Variants in PTPRJ observed in about 807,000 individuals in gnomAD.
PTPRJ encodes receptor-type tyrosine-protein phosphatase eta.
PTPRJ carries 129 observed loss-of-function variants against 141.3 expected under a neutral mutation model. The ratio of observed to expected loss-of-function variants is 0.91; its 90% confidence interval spans 0.79 to 1.06. The LOEUF is 1.06. PTPRJ is among the 50% of genes least tolerant of loss of function. PTPRJ has a pLI of 0.00. For missense variants in PTPRJ, 1,601 were observed against 1,679.7 expected, an observed-to-expected ratio of 0.95 and a Z score of 0.82; for synonymous variants, 610 against 640.5, an observed-to-expected ratio of 0.95 and a Z score of 0.72.
chr11:48,059,282 C>T (rs897804015), intron 1 of PTPRJ, among the ~76,000 whole-genome samples: 5 of 151,972 alleles, frequency 3.3e-5, no homozygotes, highest in Non-Finnish European at 5.9e-5. Context: ...CCACCACATC[C>T]GGCTAATTTT....
chr11:48,082,657 T>G (rs1855596304), intron 1 of PTPRJ, among the ~76,000 whole-genome samples: 1 of 151,802 alleles, frequency 6.6e-6, no homozygotes, highest in Non-Finnish European at 1.5e-5. Context: ...AATCTTGCTT[T>G]GTTGCCCAGG....
At chr11:48,125,236 G>A (rs745387565) in intron 6 of PTPRJ, 50 bp downstream of exon 6, 14 of 1,574,900 alleles carry the variant, frequency 8.9e-6, no homozygotes, top group African/African-American at 8.1e-5. Flanking sequence ...CTAGCACAAT[G>A]TTCTGTCTCC....
chr11:48,060,062 C>T (rs895046802), intron 1 of PTPRJ, among the ~76,000 whole-genome samples: 7 of 152,096 alleles, frequency 4.6e-5, no homozygotes, highest in Admixed American at 3.9e-4. Context: ...CCCTGGTAAA[C>T]GGAGTGATTG....
At chr11:48,007,488 C>G (rs1177501096) in intron 1 of PTPRJ, among the ~76,000 whole-genome samples, 1 of 152,036 alleles carries the variant, frequency 6.6e-6, no homozygotes, top group African/African-American at 2.4e-5. Flanking sequence ...GTGCAACCTC[C>G]GTCTCCCAGG....
At chr11:48,098,375 C>A (rs527270391) in intron 1 of PTPRJ, among the ~76,000 whole-genome samples, 1 of 152,160 alleles carries the variant, frequency 6.6e-6, no homozygotes, top group Non-Finnish European at 1.5e-5. Flanking sequence ...AGGCTTATGC[C>A]GAGGCTCACA....
intron 1 of PTPRJ, among the ~76,000 whole-genome samples, chr11:48,002,444 C>T (rs1002256124): frequency 2.0e-4 from 31 of 151,976 alleles, no homozygotes; most frequent in African/African-American, 7.5e-4. Flanking sequence ...AGCCTCACTC[C>T]CTTAAATTTT....
intron 1 of PTPRJ, among the ~76,000 whole-genome samples, chr11:48,044,140 G>C (rs1854334525): frequency 6.6e-6 from 1 of 152,244 alleles, no homozygotes; most frequent in Admixed American, 6.5e-5. Flanking sequence ...TCAGGGCTGT[G>C]GGGGCTTTGG....
chr11:48,027,791 C>CAA lies in PTPRJ; in HGVS notation c.96+46813_96+46814dup, dbSNP rs750153282. Among the ~76,000 whole-genome samples the CAA allele has an allele frequency of 7.9e-3, 261 of 32,876 alleles. 10 individuals carry two copies. The highest frequency in any genetic ancestry group is 0.043 in the Middle Eastern group (2 of 46). 21.6% of individuals were successfully genotyped at this position (32,876 alleles called of 152,430 possible). A position where few individuals can be genotyped will look rare whatever the true frequency, so the allele number is the denominator to read the frequency against. On this transcript the variant is annotated intron_variant, in intron 1 of 24. Transcript: ENST00000418331. ...GGGCAACAGAGTGAGACTCTGTCTC[C>CAA]AAAAAAAAAAAAAAAAAAAAAAAAA...
In PTPRJ at chr11:48,046,726, C is replaced by T. The variant is rs559897272; in HGVS notation, c.97-63332C>T. Among the ~76,000 whole-genome samples, 7 of 151,752 alleles carry T rather than the reference C, an allele frequency of 4.6e-5. No individual in the cohort carries two copies. The East Asian group carries it at 1.4e-3, about 29-fold the overall frequency. ...TGTTACTACATTTTCCCCTGTGCTT[C>T]CCCCCTACCCTATGTGGATTATTAC... On this transcript the variant is annotated intron_variant, in intron 1 of 24. Transcript: ENST00000418331.
At chr11:48,155,908 G>C (rs777793340) in intron 20 of PTPRJ, 34 bp downstream of exon 20, 3 of 1,587,832 alleles carry the variant, frequency 1.9e-6, no homozygotes, top group Non-Finnish European at 2.6e-6. Flanking sequence ...GCACTGGACT[G>C]TTTCGATGAA....
At chr11:48,037,084 A>C (rs557738594) in intron 1 of PTPRJ, among the ~76,000 whole-genome samples, 1 of 152,362 alleles carries the variant, frequency 6.6e-6, no homozygotes, top group South Asian at 2.1e-4. Flanking sequence ...TGGAAAGCGT[A>C]AAATATAGTT....
At chr11:48,101,278 C>T (rs1856142145) in intron 1 of PTPRJ, among the ~76,000 whole-genome samples, 1 of 152,138 alleles carries the variant, frequency 6.6e-6, no homozygotes, top group South Asian at 2.1e-4. Flanking sequence ...CAAACTCAGG[C>T]CTGACTTCAA....
chr11:48,007,170 T>G (rs1228036), intron 1 of PTPRJ, among the ~76,000 whole-genome samples: 11,060 of 151,790 alleles, frequency 0.073, 1,318 homozygotes, highest in African/African-American at 0.25. Flanking sequence ...GCGCAATCTC[T>G]GCTCACTGCA....
rs12788358 is a variant in PTPRJ, at chr11:48,084,827, C to T, written c.97-25231C>T. ...TCCATCTTGAGGGGATTGCCTTTTT[C>T]AGGTTCATGTTTGTTCACAGAGCCA... On this transcript the variant is annotated intron_variant, in intron 1 of 24. Transcript: ENST00000418331. Among the ~76,000 whole-genome samples the T allele has an allele frequency of 7.9e-3, 1,206 of 152,204 alleles. 7 individuals carry two copies. The highest frequency in any genetic ancestry group is 0.031 in the Middle Eastern group (9 of 294).
intron 8 of PTPRJ, among the ~76,000 whole-genome samples, chr11:48,133,169 G>A (rs1035246421): frequency 3.9e-5 from 6 of 152,176 alleles, no homozygotes; most frequent in Non-Finnish European, 8.8e-5. Flanking sequence ...AGAAATGGGG[G>A]CTCTGCAAAC....
chr11:48,163,734 G>A, intron 23 of PTPRJ, 116 bp downstream of exon 23: 1 of 1,270,276 alleles, frequency 7.9e-7, no homozygotes, highest in South Asian at 1.4e-5. Flanking sequence ...ATTCAGGAAA[G>A]GTTTGGATAA....
At chr11:48,111,012 C>G (rs1856424072) in intron 2 of PTPRJ, among the ~76,000 whole-genome samples, 1 of 152,188 alleles carries the variant, frequency 6.6e-6, no homozygotes, top group Non-Finnish European at 1.5e-5. Context: ...CCTGGTGGCT[C>G]ATGCCTGTAA....
chr11:48,058,357 A>T (rs1263481102), intron 1 of PTPRJ, among the ~76,000 whole-genome samples: 1 of 152,120 alleles, frequency 6.6e-6, no homozygotes, highest in Non-Finnish European at 1.5e-5. Context: ...GATGTGTACC[A>T]TCACACTCAT....
intron 1 of PTPRJ, among the ~76,000 whole-genome samples, chr11:47,984,087 A>G (rs977458003): frequency 1.3e-5 from 2 of 152,216 alleles, no homozygotes; most frequent in South Asian, 2.1e-4. Context: ...GTTTGCAGAC[A>G]GTTTACGAAA....
Sources: allele counts gnomAD v4.1 joint callset (sites outside exome capture counted in the v4.1 genomes callset), GRCh38; gene constraint gnomAD v4.1.1; transcripts MANE v1.5; gene names NCBI Gene and HGNC (gene_info 2026-07-23, HGNC 2026-07-21).